The following KLHL13 variants were observed in gnomAD, a reference collection of about 807,000 sequenced individuals.
KLHL13 encodes the protein kelch-like protein 13.
Under a neutral mutation model 37.1 loss-of-function variants are expected in KLHL13, and 10 were observed. That is an observed-to-expected ratio of 0.27 (90% CI 0.17 to 0.46). The LOEUF is 0.46. Among genes scored for constraint, KLHL13 ranks in the 20% least tolerant of loss-of-function variants. The pLI is 1.00. For synonymous variants in KLHL13, 163 were observed against 181.2 expected (o/e 0.90, Z 0.81); for missense variants, 360 against 509.3 (o/e 0.71, Z 2.82).
chrX:118,013,527 G>C (rs1013355961), intron 1 of KLHL13, among the ~76,000 whole-genome samples: 1 of 112,092 alleles, frequency 8.9e-6, no homozygotes, highest in African/African-American at 3.2e-5. Flanking sequence ...GCCAGGAAGA[G>C]AAAGCCAAGT....
Position 118,059,132 on chromosome X carries a change from G to C in KLHL13, c.-56+57376C>G, listed in dbSNP as rs1417592095. Among the ~76,000 whole-genome samples the C allele has an allele frequency of 2.7e-5, 3 of 111,646 alleles. No homozygotes were observed. The East Asian group carries it at 8.4e-4, about 31-fold the overall frequency. ...CAACAATCCGGGATCATATATTGTA[G>C]AAGCAAATAGTTCTACAAGTCTCAA... On this transcript the variant is annotated intron_variant, in intron 1 of 6. Coordinates refer to the KLHL13 transcript ENST00000371882.
At chrX:118,046,595 C>T (rs2054562948) in intron 1 of KLHL13, among the ~76,000 whole-genome samples, 1 of 111,755 alleles carries the variant, frequency 8.9e-6, no homozygotes, top group African/African-American at 3.3e-5. Context: ...GATGGACACC[C>T]CATTCTCCAT....
chrX:117,936,017 A>G (rs781710983), intron 2 of KLHL13, among the ~76,000 whole-genome samples: 2 of 111,783 alleles, frequency 1.8e-5, no homozygotes, highest in African/African-American at 6.5e-5. Context: ...CAATAAAGCT[A>G]TTATTTTAAA....
chrX:117,928,236 C>T (rs182939500), intron 2 of KLHL13, among the ~76,000 whole-genome samples: 9 of 111,454 alleles, frequency 8.1e-5, no homozygotes, highest in Non-Finnish European at 1.3e-4. Context: ...AACAAATTTA[C>T]AATTATAATT....
Position 117,988,885 on chromosome X carries a change from G to A in KLHL13, c.-55-43310C>T, listed in dbSNP as rs751786740. On this transcript the variant is annotated intron_variant, in intron 1 of 6. Transcript: ENST00000371882. ...GTATGAATTATTCAAGATTGACTAC[G>A]AAATATACCAACTTATATTTTACTC... is the stretch of plus-strand genomic sequence containing the variant. Among the ~76,000 whole-genome samples the A allele has an allele frequency of 9.8e-5, 11 of 111,689 alleles. No homozygotes were observed. The South Asian group carries it at 3.7e-3, about 38-fold the overall frequency.
chrX:117,965,440 T>A (rs1229660379), intron 1 of KLHL13, among the ~76,000 whole-genome samples: 2 of 111,706 alleles, frequency 1.8e-5, no homozygotes, highest in African/African-American at 6.5e-5. Flanking sequence ...GGGTTGTTTT[T>A]TTGTTGTAAA....
chrX:118,032,421 GGGTCCCTGACC>G (rs1569297847), intron 1 of KLHL13, among the ~76,000 whole-genome samples: 11 of 111,494 alleles, frequency 9.9e-5, no homozygotes, highest in African/African-American at 1.3e-4. Context: ...CTCTTCAAGT[GGGTCCCTGACC>G]CCTGACCCCC....
intron 1 of KLHL13, among the ~76,000 whole-genome samples, chrX:118,047,921 T>C (rs1390721419): frequency 9.0e-6 from 1 of 111,635 alleles, no homozygotes; most frequent in Non-Finnish European, 1.9e-5. Context: ...TAAGGTGTTA[T>C]ATGAAGAAAA....
At chrX:118,059,894 CTG>C (rs1425962911) in intron 1 of KLHL13, among the ~76,000 whole-genome samples, 1 of 111,702 alleles carries the variant, frequency 9.0e-6, no homozygotes, top group Non-Finnish European at 1.9e-5. Flanking sequence ...TACCACTGAA[CTG>C]TGTTACCGTG....
intron 1 of KLHL13, chrX:117,945,865 T>C: frequency 5.2e-6 from 1 of 192,818 alleles, no homozygotes; most frequent in Non-Finnish European, 9.6e-6. Flanking sequence ...TTACTGTTGA[T>C]ATGTTACTAT....
chrX:117,979,666 G>A (rs2147922671), intron 1 of KLHL13, among the ~76,000 whole-genome samples: 1 of 111,437 alleles, frequency 9.0e-6, no homozygotes, highest in South Asian at 3.8e-4. Flanking sequence ...AAAAGCAGAG[G>A]TCAAGAGGGA....
chrX:118,020,741 C>G (rs1306403525), intron 1 of KLHL13, among the ~76,000 whole-genome samples: 1 of 109,977 alleles, frequency 9.1e-6, no homozygotes, highest in Non-Finnish European at 1.9e-5. Context: ...TGGAACTAAC[C>G]CAAATGTCTA....
Position 117,912,243 on chromosome X carries a change from A to T in KLHL13, c.571-2147T>A, listed in dbSNP as rs1931040416. ...TATTAGTACAGTTAAGCAAAAGTTGATGACAACACAAATATAATTCCCAAG... is the reference window on the plus strand; with the variant it reads ...TATTAGTACAGTTAAGCAAAAGTTGTTGACAACACAAATATAATTCCCAAG... On this transcript the variant is annotated intron_variant, in intron 4 of 6. Coordinates refer to ENST00000262820, the Ensembl canonical transcript of KLHL13. 2.7e-5 allele frequency among the ~76,000 whole-genome samples: 3 copies of T among 111,826 alleles called. No homozygotes were observed. In the Admixed American group the frequency reaches 2.9e-4, roughly 11 times the overall value.
chrX:118,053,976 C>T (rs1411830072), intron 1 of KLHL13, among the ~76,000 whole-genome samples: 1 of 108,669 alleles, frequency 9.2e-6, no homozygotes, highest in African/African-American at 3.4e-5. Flanking sequence ...ATTTCTCCCA[C>T]AATAAATTAC....
At chrX:117,994,338 C>T (rs1273448730) in intron 1 of KLHL13, among the ~76,000 whole-genome samples, 6 of 110,172 alleles carry the variant, frequency 5.4e-5, no homozygotes, top group Non-Finnish European at 9.5e-5. Flanking sequence ...ACTGCAGCCT[C>T]GAACTCCTGG....
intron 1 of KLHL13, among the ~76,000 whole-genome samples, chrX:118,039,131 C>A (rs764538281): frequency 1.8e-5 from 2 of 112,013 alleles, no homozygotes; most frequent in African/African-American, 6.5e-5. Context: ...GCCCTTGGGC[C>A]CTGAAAAATC....
chrX:118,075,744 T>G (rs1420633907), intron 1 of KLHL13, among the ~76,000 whole-genome samples: 1 of 111,600 alleles, frequency 9.0e-6, no homozygotes, highest in Non-Finnish European at 1.9e-5. Context: ...ATCAAAGCAC[T>G]GTGTGCCATC....
chrX:118,040,416 T>C (rs751902874), intron 1 of KLHL13, among the ~76,000 whole-genome samples: 1 of 111,112 alleles, frequency 9.0e-6, no homozygotes, highest in Non-Finnish European at 1.9e-5. Flanking sequence ...AAAATACAAA[T>C]GACATACTGA....
rs11507858 is a variant in KLHL13 at position 118,035,344 on chromosome X, T to G, written c.-56+81164A>C. 9.2e-3 allele frequency among the ~76,000 whole-genome samples: 984 copies of G among 106,628 alleles called. 19 individuals carry two copies. Among genetic ancestry groups the G allele is most frequent in the African/African-American group, 0.034 (913 of 26,481 alleles). 92.6% of individuals were successfully genotyped at this position (106,628 alleles called of 115,157 possible). A position where few individuals can be genotyped will look rare whatever the true frequency, so the allele number is the denominator to read the frequency against. Reference sequence around the variant, plus strand: ...TGAACATTGATGCAAAAATCCTCAATAAAATACTGGCAAACCAAACCCAGC... The same window carrying G: ...TGAACATTGATGCAAAAATCCTCAAGAAAATACTGGCAAACCAAACCCAGC... On this transcript the variant is annotated intron_variant, in intron 1 of 6. Transcript: ENST00000371882.
Sources: gnomAD v4.1 joint callset for allele counts (sites outside exome capture counted in the v4.1 genomes callset) on GRCh38, gnomAD v4.1.1 for gene constraint, MANE v1.5 for transcripts, NCBI Gene and HGNC (gene_info 2026-07-23, HGNC 2026-07-21) for gene names.